Variants in WNK3 observed in about 807,000 individuals in gnomAD.
WNK3 encodes WNK lysine deficient protein kinase 3, also known as serine/threonine-protein kinase WNK3.
Under a neutral mutation model 116.7 loss-of-function variants are expected in WNK3, and 18 were observed. The ratio of observed to expected loss-of-function variants is 0.15; its 90% confidence interval spans 0.11 to 0.23. WNK3 has a LOEUF of 0.23. WNK3 is among the 10% of genes least tolerant of loss of function. The probability of loss-of-function intolerance (pLI) is 1.00; values close to 1 mark genes in which losing one functional copy is unlikely to be tolerated. For synonymous variants in WNK3, 404 were observed against 469.4 expected, an observed-to-expected ratio of 0.86 and a Z score of 1.80; for missense variants, 993 against 1,323.8, an observed-to-expected ratio of 0.75 and a Z score of 3.88.
At chrX:54,344,916 C>T (rs1200270429) in intron 1 of WNK3, among the ~76,000 whole-genome samples, 1 of 96,352 alleles carries the variant, frequency 1.0e-5, no homozygotes, top group African/African-American at 3.9e-5. Context: ...TGCATTCCAG[C>T]CTGGGCGACA....
At chrX:54,239,203 T>TAAAA in intron 17 of WNK3, 104 bp from the exon 18 acceptor site, 1 of 337,862 alleles carries the variant, frequency 3.0e-6, no homozygotes, top group Non-Finnish European at 4.5e-6. Context: ...GTGAAGCTTT[T>TAAAA]AAAAAAAAAA....
At chrX:54,245,714 T>G (rs1309964353) in intron 17 of WNK3, among the ~76,000 whole-genome samples, 2 of 112,051 alleles carry the variant, frequency 1.8e-5, no homozygotes, top group African/African-American at 6.5e-5. Context: ...TTTACAAATA[T>G]TTAAACTTGT....
chrX:54,237,071 G>A, exon 20 of WNK3: 1 of 1,212,151 alleles, frequency 8.2e-7, no homozygotes, highest in Non-Finnish European at 1.1e-6. Flanking sequence ...TCTTCGTGGT[G>A]TGGTAAGCAC....
At chrX:54,230,364 A>C (rs782086077) in intron 21 of WNK3, among the ~76,000 whole-genome samples, 2 of 111,682 alleles carry the variant, frequency 1.8e-5, no homozygotes, top group Non-Finnish European at 3.8e-5. Context: ...TTGAACAAAC[A>C]CTTTACCACA....
At chrX:54,250,564 C>T (rs1362472026) in intron 15 of WNK3, among the ~76,000 whole-genome samples, 1 of 111,750 alleles carries the variant, frequency 8.9e-6, no homozygotes, top group East Asian at 2.8e-4. Context: ...AAATAAACCC[C>T]TACATCTTAA....
exon 24 of WNK3, chrX:54,197,879 A>G (rs2067460204): frequency 9.1e-6 from 1 of 109,518 alleles, no homozygotes; most frequent in Admixed American, 1.0e-4. Flanking sequence ...GTTCATCCAC[A>G]TTTGGGGAGA....
In WNK3 at chrX:54,268,125, C is replaced by T. The variant is rs987368131; in HGVS notation, c.2038-8787G>A. ...ACACACACACACACACACACACACA[C>T]ACTTCCTAGCCTGTCTGCTGAGAAC... On this transcript the variant is annotated intron_variant, in intron 10 of 23. Transcript: ENST00000354646. Among the ~76,000 whole-genome samples, 32 of 105,764 alleles carry T rather than the reference C, an allele frequency of 3.0e-4. No homozygotes were observed. The South Asian group carries it at 0.012, about 41-fold the overall frequency. The allele number at this position is 105,764 out of a possible 115,157, so 91.8% of individuals were successfully genotyped here.
intron 11 of WNK3, among the ~76,000 whole-genome samples, chrX:54,256,658 A>G (rs2068196049): frequency 8.9e-6 from 1 of 112,493 alleles, no homozygotes; most frequent in Non-Finnish European, 1.9e-5. Context: ...ATATCTTTCA[A>G]GTTAATTTAA....
At chrX:54,278,937 G>A (rs1452977902) in intron 10 of WNK3, among the ~76,000 whole-genome samples, 4 of 110,613 alleles carry the variant, frequency 3.6e-5, no homozygotes, top group Admixed American at 9.7e-5. Context: ...GGGTGGTGGC[G>A]GGCACCTGTA....
At chrX:54,250,536 A>AT (rs1247434710) in intron 15 of WNK3, among the ~76,000 whole-genome samples, 1 of 111,956 alleles carries the variant, frequency 8.9e-6, no homozygotes, top group East Asian at 2.8e-4. Flanking sequence ...ACTGTATGAC[A>AT]TTTTTTAAAA....
At chrX:54,270,106 CT>C (rs35082814) in intron 10 of WNK3, among the ~76,000 whole-genome samples, 1 of 110,877 alleles carries the variant, frequency 9.0e-6, no homozygotes, top group African/African-American at 3.3e-5. Flanking sequence ...TAAAAAGCTC[CT>C]TTTTTGTGTC....
chrX:54,211,518 A>G (rs986758952), intron 22 of WNK3, among the ~76,000 whole-genome samples: 1 of 109,584 alleles, frequency 9.1e-6, no homozygotes, highest in Non-Finnish European at 1.9e-5. Flanking sequence ...AAGTACAAAA[A>G]TAAGAGATAA....
At chrX:54,255,706 T>C (rs1557155331) in intron 12 of WNK3, 34 bp downstream of exon 12, 2 of 1,193,416 alleles carry the variant, frequency 1.7e-6, no homozygotes, top group East Asian at 3.0e-5. Context: ...GACCTCTATA[T>C]GTACTCTTAA....
chrX:54,340,760 G>A (rs2069311566), intron 1 of WNK3, among the ~76,000 whole-genome samples: 1 of 111,795 alleles, frequency 8.9e-6, no homozygotes, highest in African/African-American at 3.2e-5. Flanking sequence ...ACTTATTGTG[G>A]AAATGCAAAT....
Position 54,236,930 on chromosome X carries a change from G to C in WNK3, c.4628+8C>G. The C allele has an allele frequency of 8.4e-7, 1 of 1,184,909 alleles. No individual in the cohort carries two copies. The highest frequency in any genetic ancestry group is 1.7e-5 in the African/African-American group (1 of 57,153). ...CCAGATTTGTGACAAAAGAGAAACA[G>C]TCCTTACTTTTCTCGTAATCTTTGA... On this transcript the variant is annotated splice_region_variant and intron_variant, in intron 20 of 23. Transcript: ENST00000354646.
chrX:54,358,054 G>C (rs941272003), upstream of WNK3: 2 of 111,102 alleles, frequency 1.8e-5, no homozygotes, highest in Non-Finnish European at 3.8e-5. Flanking sequence ...TAGGAGAGAG[G>C]GGCGGAGGGG....
exon 24 of WNK3, chrX:54,196,996 C>G (rs1186879999): frequency 8.9e-6 from 1 of 111,816 alleles, no homozygotes; most frequent in African/African-American, 3.3e-5. Context: ...TAAATAGTAT[C>G]CTTCTAGGGT....
intron 22 of WNK3, among the ~76,000 whole-genome samples, chrX:54,228,155 A>G (rs2067863202): frequency 8.9e-6 from 1 of 111,760 alleles, no homozygotes. Context: ...AAGAGCAGGC[A>G]AATCTATAGA....
At chrX:54,195,709 TATATG>T (rs1276978445) in exon 24 of WNK3, 2 of 111,900 alleles carry the variant, frequency 1.8e-5, no homozygotes, top group African/African-American at 6.5e-5. Context: ...ATACATAACA[TATATG>T]ATAACCCGGT....
Sources: gnomAD v4.1 joint callset for allele counts (sites outside exome capture counted in the v4.1 genomes callset) on GRCh38, gnomAD v4.1.1 for gene constraint, MANE v1.5 for transcripts, NCBI Gene and HGNC (gene_info 2026-07-23, HGNC 2026-07-21) for gene names.